PRKCA: variants seen among roughly 807,000 people sequenced by gnomAD.
PRKCA encodes protein kinase C alpha.
A neutral mutation model predicts 87.0 loss-of-function variants in PRKCA; 27 were observed. The ratio of observed to expected loss-of-function variants is 0.31; its 90% confidence interval spans 0.23 to 0.43. The LOEUF (loss-of-function observed/expected upper bound fraction) is 0.43, where lower values mean the gene tolerates loss of function less well. PRKCA is among the 20% of genes least tolerant of loss of function. The pLI, the probability that PRKCA is intolerant of heterozygous loss-of-function variation, is 1.00. For missense variants in PRKCA, 518 were observed against 852.3 expected (o/e 0.61, Z 4.88); for synonymous variants, 329 against 311.1 (o/e 1.06, Z -0.61).
At chr17:66,326,487 G>T (rs1905988802) in intron 2 of PRKCA, among the ~76,000 whole-genome samples, 1 of 152,300 alleles carries the variant, frequency 6.6e-6, no homozygotes, top group East Asian at 1.9e-4. Flanking sequence ...AGGTTTCAAA[G>T]ATGCATGAAA....
intron 4 of PRKCA, among the ~76,000 whole-genome samples, chr17:66,644,870 G>A (rs1015763620): frequency 6.6e-6 from 1 of 151,920 alleles, no homozygotes; most frequent in South Asian, 2.1e-4. Flanking sequence ...CACATCCATA[G>A]TCCCAGTACT....
chr17:66,631,186 C>G (rs1487816661), intron 3 of PRKCA, among the ~76,000 whole-genome samples: 2 of 152,158 alleles, frequency 1.3e-5, no homozygotes, highest in African/African-American at 4.8e-5. Flanking sequence ...GATTTGTTAG[C>G]AGTATAATCT....
intron 13 of PRKCA, among the ~76,000 whole-genome samples, chr17:66,763,755 GCTGTAT>G (rs1974737270): frequency 6.6e-6 from 1 of 152,116 alleles, no homozygotes; most frequent in Non-Finnish European, 1.5e-5. Context: ...CTAGGGGTTT[GCTGTAT>G]ACATACAGCA....
intron 1 of PRKCA, among the ~76,000 whole-genome samples, chr17:66,304,640 C>A (rs1332926793): frequency 6.6e-6 from 1 of 152,264 alleles, no homozygotes; most frequent in Non-Finnish European, 1.5e-5. Context: ...GGAAAAACAT[C>A]CCAAAGGGCA....
chr17:66,545,830 C>T (rs16959585), intron 3 of PRKCA, among the ~76,000 whole-genome samples: 1 of 152,216 alleles, frequency 6.6e-6, no homozygotes, highest in East Asian at 1.9e-4. Flanking sequence ...TGAAGTGTGT[C>T]ATGTGATTGG....
At chr17:66,466,162 C>A (rs962915449) in intron 2 of PRKCA, among the ~76,000 whole-genome samples, 1 of 152,148 alleles carries the variant, frequency 6.6e-6, no homozygotes, top group Non-Finnish European at 1.5e-5. Context: ...TGAAATATGT[C>A]GAAGCACGAG....
intron 8 of PRKCA, among the ~76,000 whole-genome samples, chr17:66,706,988 T>G (rs1973208867): frequency 6.6e-6 from 1 of 151,864 alleles, no homozygotes. Context: ...CAAAAGGGAG[T>G]GTGTTCAAAG....
intron 2 of PRKCA, among the ~76,000 whole-genome samples, chr17:66,493,992 G>C (rs548049099): frequency 6.6e-6 from 1 of 152,246 alleles, no homozygotes; most frequent in East Asian, 1.9e-4. Context: ...TTTTGTCTGT[G>C]TTACTCTTTG....
intron 2 of PRKCA, among the ~76,000 whole-genome samples, chr17:66,345,856 T>G (rs751567158): frequency 1.3e-5 from 2 of 152,166 alleles, no homozygotes; most frequent in Non-Finnish European, 2.9e-5. Context: ...AAAAATGCAG[T>G]TAGGTGTATC....
At chr17:66,642,542 G>A (rs570078044) in intron 4 of PRKCA, among the ~76,000 whole-genome samples, 1 of 152,188 alleles carries the variant, frequency 6.6e-6, no homozygotes, top group African/African-American at 2.4e-5. Context: ...TAATAGATCG[G>A]GAACCACTGT....
intron 2 of PRKCA, among the ~76,000 whole-genome samples, chr17:66,381,909 A>G (rs1407961995): frequency 6.6e-6 from 1 of 152,138 alleles, no homozygotes; most frequent in African/African-American, 2.4e-5. Flanking sequence ...TCGAAACTCC[A>G]TTTGAAACGG....
chr17:66,681,475 T>A (rs903984839), intron 5 of PRKCA, among the ~76,000 whole-genome samples: 1 of 152,288 alleles, frequency 6.6e-6, no homozygotes, highest in South Asian at 2.1e-4. Flanking sequence ...ACGGCGAAGA[T>A]GATAAAGATA....
At chr17:66,796,847 G>T (rs1386112513) in intron 16 of PRKCA, 3 of 985,294 alleles carry the variant, frequency 3.0e-6, no homozygotes, top group Non-Finnish European at 3.6e-6. Flanking sequence ...ACAAGTGAGG[G>T]TTCCCCTACG....
chr17:66,716,188 G>A (rs893621063), intron 8 of PRKCA, among the ~76,000 whole-genome samples: 1 of 151,376 alleles, frequency 6.6e-6, no homozygotes, highest in Admixed American at 6.6e-5. Context: ...TACCCACTTC[G>A]AAGCCATGTT....
At chr17:66,479,872 G>T (rs1398540749) in intron 2 of PRKCA, among the ~76,000 whole-genome samples, 1 of 152,082 alleles carries the variant, frequency 6.6e-6, no homozygotes, top group Non-Finnish European at 1.5e-5. Context: ...AGGGTGAGAA[G>T]AGGGAGAGGA....
Position 66,346,703 on chromosome 17 carries a change from G to A in PRKCA, c.205+40576G>A, listed in dbSNP as rs575430144. 1.2e-4 allele frequency among the ~76,000 whole-genome samples: 19 copies of A among 152,278 alleles called. No individual in the cohort carries two copies. The South Asian group carries it at 3.9e-3, about 32-fold the overall frequency. On this transcript the variant is annotated intron_variant, in intron 2 of 16. Coordinates refer to ENST00000413366, the MANE Select transcript of PRKCA (RefSeq NM_002737.3). ...TGAAAATATTAAATAGAGTTGACAT[G>A]TTGAATTTTTTAGTATAGATTAAGG...
chr17:66,642,489 A>T (rs1373950254), intron 4 of PRKCA, among the ~76,000 whole-genome samples: 2 of 152,150 alleles, frequency 1.3e-5, no homozygotes, highest in African/African-American at 2.4e-5. Context: ...ATACAAGCTG[A>T]TACCTTTAGG....
At chr17:66,783,564 C>T (rs948361662) in intron 14 of PRKCA, among the ~76,000 whole-genome samples, 4 of 152,198 alleles carry the variant, frequency 2.6e-5, no homozygotes, top group African/African-American at 9.7e-5. Context: ...AGCTGGTTCC[C>T]ATGCCAGGAG....
chr17:66,398,594 T>A (rs2143672897), intron 2 of PRKCA, among the ~76,000 whole-genome samples: 1 of 151,538 alleles, frequency 6.6e-6, no homozygotes, highest in East Asian at 1.9e-4. Context: ...CTGTGAGGAG[T>A]GTGGTTTAAT....
Sources: allele counts gnomAD v4.1 joint callset (sites outside exome capture counted in the v4.1 genomes callset), GRCh38; gene constraint gnomAD v4.1.1; transcripts MANE v1.5; gene names NCBI Gene and HGNC (gene_info 2026-07-23, HGNC 2026-07-21).